MROH1: variants seen among roughly 807,000 people sequenced by gnomAD.
The protein encoded by MROH1 is maestro heat like repeat family member 1.
MROH1 carries 117 observed loss-of-function variants against 116.5 expected under a neutral mutation model. The observed-to-expected ratio is 1.00, with a 90% confidence interval of 0.86 to 1.17. MROH1 has a LOEUF of 1.17. Among genes scored for constraint, MROH1 ranks in the 50% most tolerant of loss-of-function variants. The probability of loss-of-function intolerance (pLI) is 0.00; values close to 1 mark genes in which losing one functional copy is unlikely to be tolerated. For synonymous variants in MROH1, 921 were observed against 583.9 expected (o/e 1.58, Z -8.32); for missense variants, 1,873 against 1,338.5 (o/e 1.40, Z -6.23).
At chr8:144,177,965 TTC>T (rs1219873879) in intron 4 of MROH1, among the ~76,000 whole-genome samples, 21 of 40,192 alleles carry the variant, frequency 5.2e-4, no homozygotes, top group East Asian at 9.3e-3. Context: ...GTATTTCTTC[TTC>T]TTTTTTTTTT....
chr8:144,202,062 C>T (rs573027487), intron 12 of MROH1, among the ~76,000 whole-genome samples: 2 of 151,526 alleles, frequency 1.3e-5, no homozygotes, highest in East Asian at 3.9e-4. Flanking sequence ...CAAGGGAGGA[C>T]GGGGCAGACG....
intron 10 of MROH1, among the ~76,000 whole-genome samples, chr8:144,193,668 G>T (rs1417582901): frequency 2.6e-5 from 4 of 152,090 alleles, no homozygotes; most frequent in Admixed American, 6.5e-5. Flanking sequence ...GAGTGCTGTG[G>T]CATGATCTCG....
At position 144,163,918 on chromosome 8, in the gene MROH1, A is replaced by C; in HGVS notation, c.22+70A>C. The stretch of plus-strand genomic sequence containing the variant: ...TGCCTCTGGGTGGTCAGGGCAGGCC[A>C]AGGCTCTTACCAGCTCCAATGGTGC... On this transcript the variant is annotated intron_variant, in intron 3 of 43. Coordinates refer to ENST00000326134, the MANE Select transcript of MROH1 (RefSeq NM_032450.3). The surrounding 1 kb of genome is among the most constrained non-coding windows in gnomAD (Gnocchi z 4.4). The C allele has an allele frequency of 6.4e-7, 1 of 1,557,514 alleles. No individual in the cohort carries two copies.
At chr8:144,200,369 G>A (rs1830831364) in intron 11 of MROH1, 59 bp from the exon 12 acceptor site, 7 of 1,324,042 alleles carry the variant, frequency 5.3e-6, no homozygotes, top group Admixed American at 4.5e-5. Flanking sequence ...GTAGGTGGAC[G>A]CTGTGTATAG....
chr8:144,217,681 A>G (rs1835566951), intron 12 of MROH1, among the ~76,000 whole-genome samples: 1 of 152,072 alleles, frequency 6.6e-6, no homozygotes, highest in Non-Finnish European at 1.5e-5. Context: ...TCGGCTCACT[A>G]CAGCCTCTGC....
At chr8:144,168,721 C>T (rs1821648703) in intron 4 of MROH1, among the ~76,000 whole-genome samples, 1 of 152,180 alleles carries the variant, frequency 6.6e-6, no homozygotes, top group African/African-American at 2.4e-5. Context: ...GGCCTAATGG[C>T]CGGGCTGTGT....
chr8:144,183,139 AG>A (rs1362462446), intron 7 of MROH1, among the ~76,000 whole-genome samples: 1 of 152,106 alleles, frequency 6.6e-6, no homozygotes, highest in East Asian at 1.9e-4. Context: ...GTACTTTGGG[AG>A]GCCAAAATGG....
chr8:144,248,300 C>CG (rs1260800576), intron 31 of MROH1, among the ~76,000 whole-genome samples: 43 of 152,030 alleles, frequency 2.8e-4, no homozygotes, highest in African/African-American at 9.4e-4. Flanking sequence ...TATTGCATTA[C>CG]GGGGGGGAAA....
chr8:144,193,782 T>C (rs1056030135), intron 10 of MROH1, among the ~76,000 whole-genome samples: 1 of 152,030 alleles, frequency 6.6e-6, no homozygotes, highest in Admixed American at 6.6e-5. Context: ...TAGTTTTTTG[T>C]ATTTTTAGTA....
chr8:144,260,226 G>T lies in MROH1; in HGVS notation c.4232G>T (p.Gly1411Val), dbSNP rs1844762750. 1.7e-5 allele frequency: 13 copies of T among 765,890 alleles called. No homozygotes were observed. The South Asian group carries it at 1.7e-4, about 10-fold the overall frequency. The allele number at this position is 765,890 out of a possible 1,614,324, so 47.4% of individuals were successfully genotyped here. Residue 1411 changes from glycine to valine, a missense_variant, in exon 39 of 44, where the codon GGC becomes GTC. Gly to Val is a moderately radical substitution (Grantham distance 109). Coordinates refer to ENST00000326134, the MANE Select transcript of MROH1 (RefSeq NM_032450.3). ...HGPQLLTAMI[G>V]GLDDGDNPHS... ...CCCCAGCTCCTCACAGCCATGATTGGCGGGCTGGACGACGGGGACAACCCT... is the reference window on the plus strand; with the variant it reads ...CCCCAGCTCCTCACAGCCATGATTGTCGGGCTGGACGACGGGGACAACCCT...
At chr8:144,185,902 C>CG (rs1234964838) in intron 7 of MROH1, among the ~76,000 whole-genome samples, 9 of 7,106 alleles carry the variant, frequency 1.3e-3, no homozygotes, top group East Asian at 6.5e-3. Flanking sequence ...TGAGGGGTGG[C>CG]GGGGGGGCGG....
Position 144,259,153 on chromosome 8 carries a change from C to A in MROH1, c.3930-87C>A. 3 of 697,962 alleles carry A rather than the reference C, an allele frequency of 4.3e-6. No homozygotes were observed. The South Asian group carries it at 4.5e-5, about 10-fold the overall frequency. The allele number at this position is 697,962 out of a possible 1,614,324, so 43.2% of individuals were successfully genotyped here. A position where few individuals can be genotyped will look rare whatever the true frequency, so the allele number is the denominator to read the frequency against. On this transcript the variant is annotated intron_variant, in intron 36 of 43. Coordinates refer to ENST00000326134, the MANE Select transcript of MROH1 (RefSeq NM_032450.3). ...CAGAACCTGGCAGCTGGCGGTGGAG[C>A]GGACCAGGGCTGTGCAGGGTGGAAG...
chr8:144,174,798 A>G lies in MROH1; in HGVS notation c.169-4657A>G, dbSNP rs538232406. 1,870 of 983,832 alleles carry G rather than the reference A, an allele frequency of 1.9e-3. 2 individuals carry two copies. Among genetic ancestry groups the G allele is most frequent in the Non-Finnish European group, 2.2e-3 (1,791 of 828,600 alleles). The allele number at this position is 983,832 out of a possible 1,614,324, so 60.9% of individuals were successfully genotyped here. A position where few individuals can be genotyped will look rare whatever the true frequency, so the allele number is the denominator to read the frequency against. ...GTGGCTGGCCCTATCCATTTTTTGT[A>G]AAATGTAGATTCCTATGCCTTTTTC... On this transcript the variant is annotated intron_variant, in intron 4 of 43. Coordinates refer to ENST00000326134, the MANE Select transcript of MROH1 (RefSeq NM_032450.3).
At chr8:144,175,548 G>A in intron 4 of MROH1, 1 of 985,464 alleles carries the variant, frequency 1.0e-6, no homozygotes, top group Non-Finnish European at 1.2e-6. Flanking sequence ...TAGAGCCTCA[G>A]CTCTGCGACG....
At chr8:144,253,436 C>T (rs1843172333) in intron 33 of MROH1, among the ~76,000 whole-genome samples, 1 of 152,204 alleles carries the variant, frequency 6.6e-6, no homozygotes, top group African/African-American at 2.4e-5. Flanking sequence ...ATTGTCTGTC[C>T]TGGTCAGAAG....
chr8:144,218,715 C>CCT (rs1835909556), intron 12 of MROH1, among the ~76,000 whole-genome samples: 1 of 9,698 alleles, frequency 1.0e-4, no homozygotes. Context: ...CCCTCCTGTC[C>CCT]CCCCTCCCCT....
rs763222511 is a variant in MROH1 at position 144,180,429 on chromosome 8, C to A, written c.468C>A (p.Phe156Leu). The A allele has an allele frequency of 4.3e-6, 7 of 1,612,948 alleles. No individual in the cohort carries two copies. Among genetic ancestry groups the A allele is most frequent in the African/African-American group, 1.3e-5 (1 of 74,928 alleles). The part of the protein sequence containing the change: ...TLASLSVANA[F>L]GVVPFLPSVL... Reference sequence around the variant, plus strand: ...TGACGGTGTCCTCTCTCACAGCGTTCGGCGTAGTCCCCTTCCTGCCATCCG... The same window carrying A: ...TGACGGTGTCCTCTCTCACAGCGTTAGGCGTAGTCCCCTTCCTGCCATCCG... The change falls in exon 7 of 44, where the codon TTC (phenylalanine) becomes TTA (leucine). Residue 156 changes from phenylalanine (F) to leucine (L), a missense_variant. Transcript: ENST00000326134. The surrounding 1 kb of genome is among the most constrained non-coding windows in gnomAD (Gnocchi z 7.4).
At chr8:144,256,676 G>A (rs1843884099) in intron 35 of MROH1, among the ~76,000 whole-genome samples, 1 of 152,238 alleles carries the variant, frequency 6.6e-6, no homozygotes, top group African/African-American at 2.4e-5. Context: ...CCCTTCACTG[G>A]GACGATTGCA....
chr8:144,155,825 G>T (rs1016813670), intron 1 of MROH1, among the ~76,000 whole-genome samples: 28 of 151,726 alleles, frequency 1.8e-4, no homozygotes, highest in Non-Finnish European at 3.4e-4. Flanking sequence ...TAGAGACAGG[G>T]TTTCAACATG....
Sources: gnomAD v4.1 joint callset for allele counts (sites outside exome capture counted in the v4.1 genomes callset) on GRCh38, gnomAD v4.1.1 for gene constraint, Gnocchi (gnomAD v3.1) non-coding constraint, MANE v1.5 for transcripts, NCBI Gene and HGNC (gene_info 2026-07-23, HGNC 2026-07-21) for gene names.